Variants in SCAPER observed in about 807,000 individuals in gnomAD.
SCAPER encodes S phase cyclin A-associated protein in the endoplasmic reticulum.
Under a neutral mutation model 182.2 loss-of-function variants are expected in SCAPER, and 98 were observed. The observed-to-expected ratio is 0.54, with a 90% CI of 0.46 to 0.64. The LOEUF (loss-of-function observed/expected upper bound fraction) is 0.64. Among genes scored for constraint, SCAPER ranks in the 30% least tolerant of loss-of-function variants. SCAPER has a pLI of 0.00. For synonymous variants in SCAPER, 605 were observed against 564.6 expected (o/e 1.07, Z -1.01); for missense variants, 1,432 against 1,690.0 (o/e 0.85, Z 2.68).
At chr15:76,827,243 G>A (rs1017266719) in intron 5 of SCAPER, among the ~76,000 whole-genome samples, 1 of 152,128 alleles carries the variant, frequency 6.6e-6, no homozygotes, top group African/African-American at 2.4e-5. Context: ...AAATCTCAGG[G>A]CTGAGGTTAT....
chr15:76,462,801 G>A (rs1474368169), intron 25 of SCAPER, among the ~76,000 whole-genome samples: 2 of 152,120 alleles, frequency 1.3e-5, no homozygotes, highest in Non-Finnish European at 2.9e-5. Flanking sequence ...TGAGAGTAAA[G>A]CTCTATACAC....
chr15:76,729,152 T>C (rs2060761519), intron 16 of SCAPER, among the ~76,000 whole-genome samples: 1 of 152,010 alleles, frequency 6.6e-6, no homozygotes, highest in South Asian at 2.1e-4. Flanking sequence ...TTCTTCAGTT[T>C]TGGAACTCGG....
chr15:76,748,073 C>T (rs984160293), intron 15 of SCAPER, among the ~76,000 whole-genome samples: 1 of 151,514 alleles, frequency 6.6e-6, no homozygotes, highest in Admixed American at 6.6e-5. Context: ...TCACAGCAAC[C>T]TCCGCCTCCC....
chr15:76,739,958 G>A (rs1303493280), intron 15 of SCAPER, among the ~76,000 whole-genome samples: 1 of 152,182 alleles, frequency 6.6e-6, no homozygotes, highest in Non-Finnish European at 1.5e-5. Flanking sequence ...CTTGTGACCA[G>A]GAGTTCGAGA....
At chr15:76,670,179 AATAT>A (rs1404083302) in intron 20 of SCAPER, among the ~76,000 whole-genome samples, 1 of 151,792 alleles carries the variant, frequency 6.6e-6, no homozygotes, top group Non-Finnish European at 1.5e-5. Flanking sequence ...CATTATACAA[AATAT>A]ATATAAATAA....
intron 22 of SCAPER, among the ~76,000 whole-genome samples, chr15:76,615,182 A>G (rs186585287): frequency 5.3e-5 from 8 of 152,240 alleles, no homozygotes; most frequent in Admixed American, 4.6e-4. Context: ...AAGCATTTAA[A>G]GAAGATGTAA....
chr15:76,532,194 C>T (rs538220032), intron 23 of SCAPER, among the ~76,000 whole-genome samples: 116 of 152,258 alleles, frequency 7.6e-4, no homozygotes, highest in South Asian at 2.1e-3. Context: ...CATCCAGGCA[C>T]ATCTGGTGCA....
chr15:76,435,077 G>A (rs1169947015), intron 25 of SCAPER, among the ~76,000 whole-genome samples: 3 of 152,154 alleles, frequency 2.0e-5, no homozygotes, highest in Non-Finnish European at 4.4e-5. Context: ...ACCAAAGATA[G>A]AGGAATAAAT....
At chr15:76,569,468 T>C (rs2047282432) in intron 23 of SCAPER, among the ~76,000 whole-genome samples, 1 of 152,178 alleles carries the variant, frequency 6.6e-6, no homozygotes, top group Non-Finnish European at 1.5e-5. Context: ...TGAATCCACA[T>C]TTATGAATGA....
chr15:76,527,673 T>A (rs945927321), intron 23 of SCAPER, among the ~76,000 whole-genome samples: 1 of 152,190 alleles, frequency 6.6e-6, no homozygotes, highest in African/African-American at 2.4e-5. Context: ...TTTATTCCAA[T>A]CCTAGTCACA....
intron 26 of SCAPER, among the ~76,000 whole-genome samples, chr15:76,429,993 T>C (rs934073849): frequency 3.9e-5 from 6 of 152,144 alleles, no homozygotes; most frequent in African/African-American, 1.4e-4. Flanking sequence ...AGGGACTTGG[T>C]ACCTTGACTT....
chr15:76,665,819 A>C, intron 20 of SCAPER, 30 bp from the exon 21 acceptor site: 2 of 1,454,196 alleles, frequency 1.4e-6, no homozygotes, highest in Admixed American at 2.6e-5. Flanking sequence ...AATAATAATA[A>C]TGAGGATGAT....
intron 20 of SCAPER, among the ~76,000 whole-genome samples, chr15:76,701,435 T>C (rs2058941661): frequency 6.6e-6 from 1 of 152,232 alleles, no homozygotes; most frequent in African/African-American, 2.4e-5. Context: ...GTGAAATTTA[T>C]GTGGTTAACT....
intron 23 of SCAPER, among the ~76,000 whole-genome samples, chr15:76,535,842 G>C (rs1324664949): frequency 6.6e-6 from 1 of 152,134 alleles, no homozygotes; most frequent in Non-Finnish European, 1.5e-5. Flanking sequence ...TGACAGAAGA[G>C]TCACGAGATT....
At chr15:76,552,723 G>C (rs528657706) in intron 23 of SCAPER, among the ~76,000 whole-genome samples, 1 of 152,260 alleles carries the variant, frequency 6.6e-6, no homozygotes, top group African/African-American at 2.4e-5. Flanking sequence ...GTGCAGCATG[G>C]CCAGGGATGT....
chr15:76,761,483 T>C (rs1364501184), intron 14 of SCAPER, among the ~76,000 whole-genome samples: 1 of 152,182 alleles, frequency 6.6e-6, no homozygotes, highest in East Asian at 1.9e-4. Flanking sequence ...TCACAAATTT[T>C]AGTGAGTTAT....
At chr15:76,614,839 C>A (rs1247334675) in intron 22 of SCAPER, among the ~76,000 whole-genome samples, 1 of 152,080 alleles carries the variant, frequency 6.6e-6, no homozygotes, top group East Asian at 1.9e-4. Flanking sequence ...GCTGGTTCTT[C>A]CATAAGACAA....
intron 6 of SCAPER, among the ~76,000 whole-genome samples, chr15:76,801,927 G>T (rs965991292): frequency 2.6e-4 from 40 of 151,872 alleles, no homozygotes; most frequent in African/African-American, 8.4e-4. Flanking sequence ...AAAAAAAAAG[G>T]GATGCCTCAG....
rs2074542620 is a variant in SCAPER, at chr15:76,898,246, A to G, written c.-60+7053T>C. On this transcript the variant is annotated intron_variant, in intron 1 of 31. Coordinates refer to ENST00000563290, the MANE Select transcript of SCAPER (RefSeq NM_020843.4). ...CCAAGATGTCTACCGTCAAAAAGACAAAACAACTGTTGGAGAAGATGTGGA... is the reference window on the plus strand; with the variant it reads ...CCAAGATGTCTACCGTCAAAAAGACGAAACAACTGTTGGAGAAGATGTGGA... Among the ~76,000 whole-genome samples, 3 of 152,232 alleles carry G rather than the reference A, an allele frequency of 2.0e-5. No homozygotes were observed. In the South Asian group the frequency reaches 6.2e-4, roughly 32 times the overall value.
Sources: gnomAD v4.1 joint callset for allele counts (sites outside exome capture counted in the v4.1 genomes callset) on GRCh38, gnomAD v4.1.1 for gene constraint, MANE v1.5 for transcripts, NCBI Gene and HGNC (gene_info 2026-07-23, HGNC 2026-07-21) for gene names.